Variants in CEP350 observed in about 807,000 individuals in gnomAD.
The protein encoded by CEP350 is centrosomal protein 350.
CEP350 carries 126 observed loss-of-function variants against 331.8 expected under a neutral mutation model. The ratio of observed to expected loss-of-function variants is 0.38; its 90% CI spans 0.33 to 0.44. The LOEUF (loss-of-function observed/expected upper bound fraction) is 0.44. CEP350 is among the 20% of genes least tolerant of loss of function. CEP350 has a pLI of 1.00. For missense variants in CEP350, 3,406 were observed against 3,634.6 expected, an observed-to-expected ratio of 0.94 and a Z score of 1.62; for synonymous variants, 1,200 against 1,259.5, an observed-to-expected ratio of 0.95 and a Z score of 1.00.
At chr1:180,019,896 C>CT in intron 11 of CEP350, 53 bp from the exon 12 acceptor site, 1 of 1,479,434 alleles carries the variant, frequency 6.8e-7, no homozygotes, top group Non-Finnish European at 9.0e-7. Context: ...AAAAAAAAAA[C>CT]TTTTTTAAAA....
Position 179,986,242 on chromosome 1 carries a change from G to T in CEP350, c.61G>T (p.Asp21Tyr). The change falls in exon 2 of 38, where the codon GAT becomes TAT. Residue 21 changes from aspartate (D) to tyrosine (Y), a missense_variant. Physicochemically the swap from Asp to Tyr is radical, Grantham distance 160. This residue lies in a region of CEP350 where 1,857 missense variants were observed against 1,909.2 expected (regional missense o/e 0.97). Coordinates refer to ENST00000367607, the MANE Select transcript of CEP350 (RefSeq NM_014810.5). The stretch of plus-strand genomic sequence containing the variant: ...AAATCCAAGGAACTCTCAAAGCAAG[G>T]ATACTGTTCAAGGTATGATTTTGTT... ...LPNPRNSQSKDTVQADITTSW... is the reference protein window; with the variant it reads ...LPNPRNSQSKYTVQADITTSW... 1 of 1,550,350 alleles carries T rather than the reference G, an allele frequency of 6.5e-7. No individual in the cohort carries two copies. The highest frequency in any genetic ancestry group is 8.7e-7 in the Non-Finnish European group (1 of 1,146,324).
In CEP350 at chr1:180,033,905, C is replaced by G; in HGVS notation, c.3769C>G (p.Pro1257Ala). The G allele has an allele frequency of 6.2e-7, 1 of 1,613,880 alleles. No homozygotes were observed. The highest frequency in any genetic ancestry group is 8.5e-7 in the Non-Finnish European group (1 of 1,179,824). ...AAGATCTCAGAAAACTCCAACTTCT[C>G]CCCTGTCACCAAGTTCCCAGAAATC... Reference protein sequence around the residue: ...KGRSQKTPTSPLSPSSQKSLQ... With the variant: ...KGRSQKTPTSALSPSSQKSLQ... The change falls in exon 16 of 38, where the codon CCC (proline) becomes GCC (alanine). Residue 1257 changes from proline to alanine, a missense_variant. This residue lies in a region of CEP350 where 1,857 missense variants were observed against 1,909.2 expected (regional missense o/e 0.97). Coordinates refer to ENST00000367607, the MANE Select transcript of CEP350 (RefSeq NM_014810.5).
chr1:180,048,792 G>A lies in CEP350; in HGVS notation c.4792+87G>A. 2.9e-6 allele frequency: 3 copies of A among 1,031,768 alleles called. No individual in the cohort carries two copies. The South Asian group carries it at 4.4e-5, about 15-fold the overall frequency. 63.9% of individuals were successfully genotyped at this position (1,031,768 alleles called of 1,614,324 possible). On this transcript the variant is annotated intron_variant, in intron 22 of 37. Transcript: ENST00000367607. ...TTGTTATAAAGTGGCAAATAAGCTG[G>A]ATGTGGTGGCTCATGCCAGTAATTC...
At position 180,037,008 on chromosome 1, in the gene CEP350, G is replaced by A. The variant is rs1304727301; in HGVS notation, c.4029G>A (p.Val1343=). Residue 1343 remains valine, a synonymous_variant, in exon 17 of 38, where the codon GTG becomes GTA. Coordinates refer to ENST00000367607, the MANE Select transcript of CEP350 (RefSeq NM_014810.5). ...ATCTGAACGCCATTGAGGAGTCGGT[G>A]CGCCAACTGTCAGATGTAGAAAGAG... The part of the protein sequence containing the change: ...LSYLNAIEES[V]RQLSDVERVR... 2 of 1,602,588 alleles carry A rather than the reference G, an allele frequency of 1.2e-6. No individual in the cohort carries two copies. The highest frequency in any genetic ancestry group is 3.4e-5 in the Admixed American group (2 of 58,274).
In CEP350 at chr1:180,087,799, T is replaced by G. The variant is rs1015250255; in HGVS notation, c.6425+82T>G. On this transcript the variant is annotated intron_variant, in intron 32 of 37. Transcript: ENST00000367607. Reference sequence around the variant, plus strand: ...AATATTTTCAGTAGAAGTTACCCTTTAAGTAACTGAAATTACAGAAGTAAA... The same window carrying G: ...AATATTTTCAGTAGAAGTTACCCTTGAAGTAACTGAAATTACAGAAGTAAA... 4.7e-6 allele frequency: 6 copies of G among 1,264,742 alleles called. No homozygotes were observed. In the African/African-American group the frequency reaches 7.8e-5, roughly 17 times the overall value. The allele number at this position is 1,264,742 out of a possible 1,614,324, so 78.3% of individuals were successfully genotyped here. A position where few individuals can be genotyped will look rare whatever the true frequency, so the allele number is the denominator to read the frequency against.
At chr1:180,048,826 T>C (rs907706767) in intron 22 of CEP350, 121 bp downstream of exon 22, 1 of 757,524 alleles carries the variant, frequency 1.3e-6, no homozygotes, top group East Asian at 2.8e-5. Flanking sequence ...TCCAGCACTT[T>C]GGGAGGCTGA....
chr1:180,069,550 TTTG>T (rs1400099291), intron 27 of CEP350, among the ~76,000 whole-genome samples: 5 of 152,208 alleles, frequency 3.3e-5, no homozygotes, highest in African/African-American at 1.2e-4. Context: ...AGTCTGATAC[TTTG>T]TTTTTATTCT....
At chr1:180,030,331 G>A (rs1436081143) in intron 14 of CEP350, among the ~76,000 whole-genome samples, 2 of 116,070 alleles carry the variant, frequency 1.7e-5, no homozygotes, top group Non-Finnish European at 3.8e-5. Context: ...ATATACATAT[G>A]TGTGTATATA....
At chr1:179,972,923 A>C (rs1402144797) in intron 1 of CEP350, among the ~76,000 whole-genome samples, 1 of 149,324 alleles carries the variant, frequency 6.7e-6, no homozygotes, top group Non-Finnish European at 1.5e-5. Flanking sequence ...GCTGGAGTGC[A>C]GTGGCATGAT....
chr1:179,968,486 G>GAGTC (rs541092138), intron 1 of CEP350, among the ~76,000 whole-genome samples: 49 of 152,312 alleles, frequency 3.2e-4, no homozygotes, highest in African/African-American at 1.1e-3. Flanking sequence ...CTGCATTAAG[G>GAGTC]AGTCATTAAA....
At chr1:179,989,646 C>CA (rs1652907028) in intron 3 of CEP350, among the ~76,000 whole-genome samples, 1 of 152,036 alleles carries the variant, frequency 6.6e-6, no homozygotes, top group South Asian at 2.1e-4. Flanking sequence ...AAATGCTTTT[C>CA]AGTCATTGAG....
At chr1:180,043,971 A>AT in intron 20 of CEP350, 80 bp from the exon 21 acceptor site, 2 of 1,171,664 alleles carry the variant, frequency 1.7e-6, no homozygotes, top group Non-Finnish European at 2.3e-6. Flanking sequence ...ATTTTATCTC[A>AT]TATTACTATT....
rs771440154 is a variant in CEP350 at position 180,054,427 on chromosome 1, C to T, written c.5187C>T (p.Asp1729=). The T allele has an allele frequency of 1.3e-6, 2 of 1,593,190 alleles. No individual in the cohort carries two copies. The highest frequency in any genetic ancestry group is 1.7e-6 in the Non-Finnish European group (2 of 1,169,330). ...WLEHQKKHLR[D]KGEDDKMPPL... The stretch of plus-strand genomic sequence containing the variant: ...ATATTATTTGCAGACATCTACGAGA[C>T]AAAGGAGAGGATGATAAAATGCCCC... The change falls in exon 25 of 38, where the codon GAC becomes GAT. Residue 1729 remains aspartate, a synonymous_variant. Coordinates refer to ENST00000367607, the MANE Select transcript of CEP350 (RefSeq NM_014810.5).
intron 17 of CEP350, among the ~76,000 whole-genome samples, chr1:180,039,977 T>C (rs1323893101): frequency 6.6e-6 from 1 of 152,188 alleles, no homozygotes; most frequent in Non-Finnish European, 1.5e-5. Flanking sequence ...TGTAGAGGTC[T>C]TATACATTTT....
intron 10 of CEP350, 113 bp from the exon 11 acceptor site, chr1:180,015,736 C>A: frequency 4.9e-6 from 6 of 1,236,178 alleles, no homozygotes; most frequent in Non-Finnish European, 4.3e-6. Flanking sequence ...AAAAAAAAAC[C>A]ACTACATTTT....
chr1:180,076,009 G>GA (rs1659204465), intron 28 of CEP350, among the ~76,000 whole-genome samples: 1 of 151,396 alleles, frequency 6.6e-6, no homozygotes, highest in African/African-American at 2.4e-5. Context: ...TGAAAACTTA[G>GA]AAAAAATGGC....
chr1:180,027,421 C>G (rs1192928119), intron 14 of CEP350, among the ~76,000 whole-genome samples: 1 of 152,128 alleles, frequency 6.6e-6, no homozygotes, highest in East Asian at 1.9e-4. Flanking sequence ...CTCTATCACC[C>G]AGGCTGGAGT....
intron 27 of CEP350, among the ~76,000 whole-genome samples, chr1:180,073,624 T>C (rs144855114): frequency 6.6e-6 from 1 of 152,216 alleles, no homozygotes. Flanking sequence ...AATACACTTT[T>C]AAAAATGTCA....
chr1:180,049,653 C>T (rs1242542526), intron 22 of CEP350, among the ~76,000 whole-genome samples: 1 of 151,616 alleles, frequency 6.6e-6, no homozygotes, highest in Non-Finnish European at 1.5e-5. Context: ...AAGTGATTCT[C>T]CTGCCTCAGC....
Sources: allele counts gnomAD v4.1 joint callset (sites outside exome capture counted in the v4.1 genomes callset), GRCh38; gene constraint gnomAD v4.1.1; regional missense constraint gnomAD v4.1.1; transcripts MANE v1.5; gene names NCBI Gene and HGNC (gene_info 2026-07-23, HGNC 2026-07-21).